Variants in PDXDC1 observed in about 807,000 individuals in gnomAD.
PDXDC1 encodes pyridoxal-dependent decarboxylase domain-containing protein 1.
A neutral mutation model predicts 100.1 loss-of-function variants in PDXDC1; 42 were observed. The observed-to-expected ratio is 0.42, with a 90% CI of 0.33 to 0.54. The LOEUF (loss-of-function observed/expected upper bound fraction) is 0.54, where lower values mean the gene tolerates loss of function less well. Among genes scored for constraint, PDXDC1 ranks in the 20% least tolerant of loss-of-function variants. PDXDC1 has a pLI of 0.10. For synonymous variants in PDXDC1, 260 were observed against 371.7 expected, an observed-to-expected ratio of 0.70 and a Z score of 3.46; for missense variants, 636 against 979.2, an observed-to-expected ratio of 0.65 and a Z score of 4.68.
chr16:14,987,618 T>C (rs1242405229), intron 1 of PDXDC1, among the ~76,000 whole-genome samples: 6 of 152,236 alleles, frequency 3.9e-5, no homozygotes, highest in African/African-American at 1.2e-4. Flanking sequence ...TTTTCCTTTG[T>C]TTTTTTGTTT....
At chr16:15,097,281 AAG>A (rs2046390274) in intron 16 of PDXDC1, among the ~76,000 whole-genome samples, 1 of 151,568 alleles carries the variant, frequency 6.6e-6, no homozygotes, top group Non-Finnish European at 1.5e-5. Flanking sequence ...TAAAAAAAAA[AAG>A]GGAAAAAAAG....
chr16:15,087,975 G>A (rs1463504954), intron 16 of PDXDC1, among the ~76,000 whole-genome samples: 5 of 152,108 alleles, frequency 3.3e-5, no homozygotes, highest in East Asian at 1.9e-4. Flanking sequence ...TTAGCTGGGC[G>A]TGGTGGTGCA....
intron 16 of PDXDC1, chr16:15,061,736 T>C: frequency 6.2e-7 from 1 of 1,601,946 alleles, no homozygotes; most frequent in Non-Finnish European, 8.5e-7. Context: ...AGTCACAAAT[T>C]TCTGCCGTCA....
At chr16:15,148,370 ATTTTTTTTTTTTTTT>A in the PDXDC1 span, among the ~76,000 whole-genome samples, 6 of 34,118 alleles carry the variant, frequency 1.8e-4, no homozygotes, top group Admixed American at 5.3e-4. Context: ...AGATCCTGTG[ATTTTTTTTTTTTTTT>A]TTTTTTTTTT....
At chr16:14,999,803 A>G (rs1217060270) in intron 3 of PDXDC1, among the ~76,000 whole-genome samples, 2 of 152,284 alleles carry the variant, frequency 1.3e-5, no homozygotes, top group Non-Finnish European at 2.9e-5. Flanking sequence ...TTCACAAGAC[A>G]TTAGCAGTTA....
intron 16 of PDXDC1, among the ~76,000 whole-genome samples, chr16:15,054,273 T>C (rs1597825169): frequency 1.3e-5 from 2 of 152,354 alleles, no homozygotes; most frequent in Middle Eastern, 6.8e-3. Flanking sequence ...TAACACAAAC[T>C]GGTCCCCAGT....
chr16:15,055,181 C>G (rs1487206566), intron 16 of PDXDC1, among the ~76,000 whole-genome samples: 1 of 152,130 alleles, frequency 6.6e-6, no homozygotes, highest in Non-Finnish European at 1.5e-5. Flanking sequence ...CGCCGCCACG[C>G]CCCGCTCTTT....
At chr16:15,013,359 GAAA>G (rs779875897) in intron 8 of PDXDC1, among the ~76,000 whole-genome samples, 1 of 136,924 alleles carries the variant, frequency 7.3e-6, no homozygotes, top group Non-Finnish European at 1.5e-5. Context: ...AAAAAAAAAA[GAAA>G]AAAAAAAAAA....
intron 16 of PDXDC1, among the ~76,000 whole-genome samples, chr16:15,048,800 T>C (rs1048492718): frequency 6.6e-6 from 1 of 151,924 alleles, no homozygotes; most frequent in South Asian, 2.1e-4. Flanking sequence ...AGTTTTATAC[T>C]TTTTGTAGCG....
chr16:15,083,371 C>A lies in PDXDC1; in HGVS notation c.1399+53315C>A, dbSNP rs1597971421. 1.0e-5 allele frequency: 14 copies of A among 1,349,506 alleles called. No individual in the cohort carries two copies. In the East Asian group the frequency reaches 3.7e-4, roughly 36 times the overall value. The allele number at this position is 1,349,506 out of a possible 1,614,324, so 83.6% of individuals were successfully genotyped here. A position where few individuals can be genotyped will look rare whatever the true frequency, so the allele number is the denominator to read the frequency against. ...CCAAGATGACGCCATTGCACTCCAG[C>A]TTGGGCGACAGAGTGAGACTCGGTC... On this transcript the variant is annotated intron_variant, in intron 16 of 16. Coordinates refer to the PDXDC1 transcript ENST00000535621.
At chr16:15,056,048 C>A (rs1307115105) in intron 16 of PDXDC1, 1 of 607,676 alleles carries the variant, frequency 1.6e-6, no homozygotes, top group Non-Finnish European at 2.1e-6. Context: ...CCGCCGCCCC[C>A]GCCCCTCGGG....
chr16:15,083,580 G>A (rs1362340558), intron 16 of PDXDC1: 14 of 1,601,274 alleles, frequency 8.7e-6, no homozygotes, highest in African/African-American at 1.4e-5. Context: ...AAACCACGGT[G>A]TCCTATTTTT....
chr16:15,090,125 G>T (rs1434160522), intron 16 of PDXDC1, among the ~76,000 whole-genome samples: 1 of 151,930 alleles, frequency 6.6e-6, no homozygotes, highest in Non-Finnish European at 1.5e-5. Context: ...CAGGAGAATT[G>T]CTTGAACCCA....
intron 16 of PDXDC1, among the ~76,000 whole-genome samples, chr16:15,073,613 C>A (rs2045332367): frequency 6.6e-6 from 1 of 152,168 alleles, no homozygotes; most frequent in African/African-American, 2.4e-5. Context: ...GAAATGCAAA[C>A]CCTTCTGAAG....
chr16:15,093,872 A>C, intron 16 of PDXDC1: 1 of 489,724 alleles, frequency 2.0e-6, no homozygotes, highest in South Asian at 2.8e-5. Context: ...GTCAAGGCGC[A>C]GAAGGCAGTA....
downstream of PDXDC1, chr16:15,041,660 T>C (rs1177529898): frequency 1.2e-6 from 2 of 1,611,212 alleles, no homozygotes; most frequent in African/African-American, 2.7e-5. Context: ...TGTCATCTTC[T>C]TGCCTGTCAA....
intron 16 of PDXDC1, among the ~76,000 whole-genome samples, chr16:15,136,390 C>T (rs1282854556): frequency 1.1e-4 from 16 of 152,146 alleles, no homozygotes; most frequent in Admixed American, 2.6e-4. Context: ...CCCCAGCTCG[C>T]GTCCACCTCT....
At chr16:14,999,327 A>T (rs1204454605) in intron 3 of PDXDC1, among the ~76,000 whole-genome samples, 2 of 152,200 alleles carry the variant, frequency 1.3e-5, no homozygotes, top group African/African-American at 4.8e-5. Flanking sequence ...TTAGCCTCTC[A>T]AAGTGCTGGG....
rs560867104 is a variant in PDXDC1 at position 15,081,020 on chromosome 16, T to C, written c.1399+50964T>C. Among the ~76,000 whole-genome samples, 34 of 152,324 alleles carry C rather than the reference T, an allele frequency of 2.2e-4. No individual in the cohort carries two copies. In the South Asian group the frequency reaches 3.9e-3, roughly 18 times the overall value. On this transcript the variant is annotated intron_variant, in intron 16 of 16. Transcript: ENST00000535621. Reference sequence around the variant, plus strand: ...ATGGAGTCATATAATACACAGTCTTTTGGCATGTTTTTAGGGTCCAATCAT... The same window carrying C: ...ATGGAGTCATATAATACACAGTCTTCTGGCATGTTTTTAGGGTCCAATCAT...
Sources: gnomAD v4.1 joint callset for allele counts (sites outside exome capture counted in the v4.1 genomes callset) on GRCh38, gnomAD v4.1.1 for gene constraint, MANE v1.5 for transcripts, NCBI Gene and HGNC (gene_info 2026-07-23, HGNC 2026-07-21) for gene names.